The following LRRC61 variants were observed in gnomAD, a reference collection of about 807,000 sequenced individuals.
LRRC61 encodes leucine rich repeat containing 61, also known as leucine-rich repeat-containing protein 61.
A neutral mutation model predicts 15.1 loss-of-function variants in LRRC61; 9 were observed. The observed-to-expected ratio is 0.60, with a 90% CI of 0.36 to 1.04. LRRC61 has a LOEUF of 1.04. Ranked by LOEUF, LRRC61 falls within the 50% of genes least tolerant of loss-of-function variation. The pLI is 0.01. For synonymous variants in LRRC61, 173 were observed against 158.6 expected, an observed-to-expected ratio of 1.09 and a Z score of -0.68; for missense variants, 344 against 335.6, an observed-to-expected ratio of 1.03 and a Z score of -0.20.
chr7:150,316,479 GGTT>G, the LRRC61 span, among the ~76,000 whole-genome samples: 1 of 131,870 alleles, frequency 7.6e-6, no homozygotes, highest in South Asian at 2.4e-4. Flanking sequence ...TTTAGAATCT[GGTT>G]ATTTTTTTTT....
In LRRC61 at chr7:150,337,411, C is replaced by G; in HGVS notation, c.550C>G (p.Arg184Gly). 6.2e-7 allele frequency: 1 copy of G among 1,605,584 alleles called. No homozygotes were observed. Among genetic ancestry groups the G allele is most frequent in the Non-Finnish European group, 8.5e-7 (1 of 1,179,946 alleles). ...GTGCCGAGACCTGGACAGCTCCTTGCGTCCCAGCTCCAGTCCAGGCCCCAG... is the reference window on the plus strand; with the variant it reads ...GTGCCGAGACCTGGACAGCTCCTTGGGTCCCAGCTCCAGTCCAGGCCCCAG... ...QLCRDLDSSL[R>G]PSSSPGPRAT... The change falls in exon 3 of 3, where the codon CGT becomes GGT. Residue 184 changes from arginine (R) to glycine (G), a missense_variant. Arg to Gly is a moderately radical substitution (Grantham distance 125). Transcript: ENST00000359623.
chr7:150,330,781 C>T lies in LRRC61; in HGVS notation c.-145+4771C>T, dbSNP rs536790669. On this transcript the variant is annotated intron_variant, in intron 2 of 2. Transcript: ENST00000359623. The surrounding 1 kb of genome is among the most constrained non-coding windows in gnomAD (Gnocchi z 4.6). ...AACTCCCCAAGTCCCCTGCAAAGCC[C>T]CAGGGGTCTGTGCGTGGACCCCACC... 1.2e-6 allele frequency: 2 copies of T among 1,613,728 alleles called. No individual in the cohort carries two copies. The highest frequency in any genetic ancestry group is 2.2e-5 in the South Asian group (2 of 91,082).
chr7:150,334,162 T>C (rs998296185), intron 2 of LRRC61: 1 of 975,026 alleles, frequency 1.0e-6, no homozygotes, highest in African/African-American at 1.7e-5. Flanking sequence ...AGCCATCATC[T>C]CCATCTAAAA....
chr7:150,337,114 A>AC lies in LRRC61; in HGVS notation c.253_254insC (p.Asn85ThrfsTer13). On this transcript the variant is annotated frameshift_variant, in exon 3 of 3. Transcript: ENST00000359623. LOFTEE classifies it high-confidence loss of function. ...GCTAGCTGTGCTCAATGTCTCCAAC[A>AC]ATCGGCTGACGGGCCTGGAGCCACT... 6.2e-7 allele frequency: 1 copy of AC among 1,612,388 alleles called. No homozygotes were observed. The highest frequency in any genetic ancestry group is 1.3e-5 in the African/African-American group (1 of 75,060).
At chr7:150,334,148 G>GC (rs1195991078) in intron 2 of LRRC61, 1 of 980,488 alleles carries the variant, frequency 1.0e-6, no homozygotes. Context: ...CTCTCCCTTT[G>GC]CTGAGCCATC....
chr7:150,316,483 A>AT, the LRRC61 span, among the ~76,000 whole-genome samples: 520 of 80,432 alleles, frequency 6.5e-3, 2 homozygotes, highest in Middle Eastern at 0.026. Context: ...GAATCTGGTT[A>AT]TTTTTTTTTT....
Position 150,330,899 on chromosome 7 carries a change from G to A in LRRC61, c.-145+4889G>A. The stretch of plus-strand genomic sequence containing the variant: ...CTGGGGCCTTCCTGCTGGCCCAGAG[G>A]GAGAAGGGCTTGCTGGAGAGCATGG... On this transcript the variant is annotated intron_variant, in intron 2 of 2. Transcript: ENST00000359623. This position sits in a 1 kb window ranked among gnomAD's most constrained non-coding sequence, Gnocchi z 4.6. 6.2e-7 allele frequency: 1 copy of A among 1,612,386 alleles called. No individual in the cohort carries two copies. Among genetic ancestry groups the A allele is most frequent in the African/African-American group, 1.3e-5 (1 of 75,012 alleles).
chr7:150,319,245 C>A (rs1182480992), upstream of LRRC61, among the ~76,000 whole-genome samples: 1 of 150,242 alleles, frequency 6.7e-6, no homozygotes, highest in Non-Finnish European at 1.5e-5. Context: ...ACTCTGTTAC[C>A]TAGGCAGGAT....
rs1057328638 is a variant in LRRC61, at chr7:150,337,606, A to C, written c.745A>C (p.Ser249Arg). Residue 249 changes from serine to arginine, a missense_variant, in exon 3 of 3, where the codon AGC (serine) becomes CGC (arginine). Physicochemically the swap from Ser to Arg is moderately radical, Grantham distance 110. Transcript: ENST00000359623. ...DSLAQAEQVL[S>R]SAGPTSSFVF ...CCTGGCCCAGGCGGAGCAGGTACTC[A>C]GCTCTGCGGGCCCCACCTCTTCCTT... 2.6e-6 allele frequency: 4 copies of C among 1,546,172 alleles called. No homozygotes were observed. Among genetic ancestry groups the C allele is most frequent in the Non-Finnish European group, 3.5e-6 (4 of 1,148,840 alleles).
chr7:150,321,561 G>A (rs960227831), upstream of LRRC61, among the ~76,000 whole-genome samples: 17 of 152,216 alleles, frequency 1.1e-4, no homozygotes, highest in Admixed American at 5.9e-4. Context: ...CCAATATGGC[G>A]AAACCCCGTC....
Position 150,337,196 on chromosome 7 carries a change from C to T in LRRC61, c.335C>T (p.Pro112Leu), listed in dbSNP as rs149743914. ...GCCGCAGGCAACCTACTGGCCACCC[C>T]GGGCCAGCTGCAGTGTCTGGCTGGG... ...LNAAGNLLAT[P>L]GQLQCLAGLP... is the part of the protein sequence containing the mutation. Residue 112 changes from proline (P) to leucine (L), a missense_variant, in exon 3 of 3, where the codon CCG (proline) becomes CTG (leucine). By Grantham distance (98) the Pro-to-Leu change is moderately conservative (BLOSUM62 -3). Transcript: ENST00000359623. The T allele has an allele frequency of 3.1e-5, 50 of 1,606,802 alleles. No homozygotes were observed. Among genetic ancestry groups the T allele is most frequent in the African/African-American group, 9.3e-5 (7 of 74,940 alleles).
the LRRC61 span, among the ~76,000 whole-genome samples, chr7:150,316,391 T>C: frequency 6.6e-6 from 1 of 152,168 alleles, no homozygotes; most frequent in East Asian, 1.9e-4. Flanking sequence ...TGTCAGGGCT[T>C]GTTCCTACCA....
chr7:150,327,811 C>A (rs568841643), intron 2 of LRRC61, among the ~76,000 whole-genome samples: 2 of 104,022 alleles, frequency 1.9e-5, no homozygotes, highest in Admixed American at 2.2e-4. Context: ...CAGAGCAAGA[C>A]CTTGTCTCAA....
In LRRC61 at chr7:150,323,583, A is replaced by T. The variant is rs766385015; in HGVS notation, c.-315+23A>T. The T allele has an allele frequency of 5.6e-5, 25 of 446,402 alleles. No individual in the cohort carries two copies. The Middle Eastern group carries it at 1.3e-3, about 23-fold the overall frequency. 27.7% of individuals were successfully genotyped at this position (446,402 alleles called of 1,614,324 possible). A position where few individuals can be genotyped will look rare whatever the true frequency, so the allele number is the denominator to read the frequency against. On this transcript the variant is annotated intron_variant, in intron 1 of 2. Coordinates refer to ENST00000359623, the MANE Select transcript of LRRC61 (RefSeq NM_001142928.2). ...CAGGTAAGCGGGGACTGGGCCGCCGAGGTTCAGGGAAGGGGGCGGCTGTCG... is the reference window on the plus strand; with the variant it reads ...CAGGTAAGCGGGGACTGGGCCGCCGTGGTTCAGGGAAGGGGGCGGCTGTCG...
upstream of LRRC61, among the ~76,000 whole-genome samples, chr7:150,320,126 C>T (rs754427287): frequency 2.8e-4 from 43 of 152,008 alleles, no homozygotes; most frequent in Non-Finnish European, 5.3e-4. Flanking sequence ...AGTACTCTTA[C>T]CAGAAAAGGG....
At chr7:150,311,503 G>A in the LRRC61 span, among the ~76,000 whole-genome samples, 3 of 151,974 alleles carry the variant, frequency 2.0e-5, no homozygotes, top group African/African-American at 4.8e-5. Context: ...TCTGCCCCTC[G>A]ACTCCTCCAG....
the LRRC61 span, among the ~76,000 whole-genome samples, chr7:150,314,159 G>A: frequency 6.6e-6 from 1 of 152,260 alleles, no homozygotes; most frequent in African/African-American, 2.4e-5. Context: ...TGTCTCCTAG[G>A]GTCAGTGGCA....
intron 2 of LRRC61, among the ~76,000 whole-genome samples, chr7:150,326,535 T>C (rs113267346): frequency 0.012 from 1,813 of 151,838 alleles, 39 homozygotes; most frequent in African/African-American, 0.042. Context: ...ACACAAAAAT[T>C]AGCTGGGTGT....
At chr7:150,332,257 T>C in intron 2 of LRRC61, 1 of 167,248 alleles carries the variant, frequency 6.0e-6, no homozygotes. Flanking sequence ...TGGGATTGGA[T>C]GGGAGAAGAA....
Sources: allele counts gnomAD v4.1 joint callset (sites outside exome capture counted in the v4.1 genomes callset), GRCh38; gene constraint gnomAD v4.1.1; non-coding constraint Gnocchi (gnomAD v3.1); transcripts MANE v1.5; gene names NCBI Gene and HGNC (gene_info 2026-07-23, HGNC 2026-07-21).